The following SERINC2 variants were observed in gnomAD, a reference collection of about 807,000 sequenced individuals.
The protein encoded by SERINC2 is serine incorporator 2.
A neutral mutation model predicts 54.2 loss-of-function variants in SERINC2; 56 were observed. The ratio of observed to expected loss-of-function variants is 1.03; its 90% CI spans 0.83 to 1.29. The LOEUF (loss-of-function observed/expected upper bound fraction) is 1.29, where lower values mean the gene tolerates loss of function less well. SERINC2 is among the 50% of genes most tolerant of loss of function. The probability of loss-of-function intolerance (pLI) is 0.00; values close to 1 mark genes in which losing one functional copy is unlikely to be tolerated. For missense variants in SERINC2, 614 were observed against 607.4 expected (o/e 1.01, Z -0.12); for synonymous variants, 272 against 253.1 (o/e 1.07, Z -0.71).
At chr1:31,424,618 A>G in intron 2 of SERINC2, 65 bp from the exon 3 acceptor site, 5 of 1,375,654 alleles carry the variant, frequency 3.6e-6, no homozygotes, top group Non-Finnish European at 4.9e-6. Context: ...GCTCTGGTTT[A>G]TAAAGGGAGC....
At chr1:31,428,621 A>G (rs1428366084) in intron 6 of SERINC2, among the ~76,000 whole-genome samples, 1 of 152,146 alleles carries the variant, frequency 6.6e-6, no homozygotes, top group Non-Finnish European at 1.5e-5. Context: ...GGGAGGGCAC[A>G]GCGACGGCAA....
chr1:31,417,949 C>T (rs180860944), intron 1 of SERINC2, among the ~76,000 whole-genome samples: 70 of 150,658 alleles, frequency 4.6e-4, no homozygotes, highest in Admixed American at 1.0e-3. Context: ...TTCCACCTCC[C>T]GGGTTCAAGC....
chr1:31,413,223 C>A lies in SERINC2; in HGVS notation c.-43C>A. 9.0e-7 allele frequency: 1 copy of A among 1,112,908 alleles called. No homozygotes were observed. The highest frequency in any genetic ancestry group is 1.1e-6 in the Non-Finnish European group (1 of 915,340). 68.9% of individuals were successfully genotyped at this position (1,112,908 alleles called of 1,614,324 possible). ...CGGCACCCGGATCCCGAGGTCCGCG[C>A]CCCGCGCCCGGCGCCGGGCGCCCGA... is the stretch of plus-strand genomic sequence containing the variant. On this transcript the variant is annotated 5_prime_UTR_variant, in exon 1 of 10. Transcript: ENST00000373709. The surrounding 1 kb of genome is among the most constrained non-coding windows in gnomAD (Gnocchi z 5.0).
At chr1:31,424,129 A>C (rs544227838) in intron 2 of SERINC2, among the ~76,000 whole-genome samples, 1 of 152,202 alleles carries the variant, frequency 6.6e-6, no homozygotes, top group Admixed American at 6.5e-5. Flanking sequence ...CTTAGTGCTT[A>C]AGCCCAGGTT....
At chr1:31,430,359 TAACAA>T (rs1286820654) in intron 8 of SERINC2, among the ~76,000 whole-genome samples, 1 of 150,590 alleles carries the variant, frequency 6.6e-6, no homozygotes, top group African/African-American at 2.5e-5. Flanking sequence ...TTTTAAAAAT[TAACAA>T]AACAAAACAA....
In SERINC2 at chr1:31,434,570, C is replaced by T; in HGVS notation, c.*371C>T. On this transcript the variant is annotated 3_prime_UTR_variant, in exon 10 of 10. Transcript: ENST00000373709. ...CACAGTGGGGCATCCGGCACTGAAG[C>T]CCTGGTGTTCCTGGTCACGTCCCCC... 1 of 249,370 alleles carries T rather than the reference C, an allele frequency of 4.0e-6. No homozygotes were observed. Among genetic ancestry groups the T allele is most frequent in the Non-Finnish European group, 7.8e-6 (1 of 128,242 alleles). The allele number at this position is 249,370 out of a possible 1,614,324, so 15.4% of individuals were successfully genotyped here. A position where few individuals can be genotyped will look rare whatever the true frequency, so the allele number is the denominator to read the frequency against.
At chr1:31,432,173 ATAGGGTGGATAGGGTGGT>A (rs1641306851) in intron 8 of SERINC2, among the ~76,000 whole-genome samples, 3 of 121,958 alleles carry the variant, frequency 2.5e-5, no homozygotes, top group Non-Finnish European at 1.8e-5. Flanking sequence ...GATAGGGTGG[ATAGGGTGGATAGGGTGGT>A]TAGAGTGGAG....
intron 1 of SERINC2, among the ~76,000 whole-genome samples, chr1:31,422,302 A>AAAC (rs1553132834): frequency 6.6e-6 from 1 of 151,132 alleles, no homozygotes; most frequent in East Asian, 1.9e-4. Flanking sequence ...CTGTCTCAAA[A>AAAC]AAAAAAAAAC....
At chr1:31,429,204 G>A (rs1340566970) in intron 7 of SERINC2, 136 bp downstream of exon 7, 3 of 996,190 alleles carry the variant, frequency 3.0e-6, no homozygotes, top group Non-Finnish European at 4.6e-6. Context: ...CCTCCCATGA[G>A]ATGGGAGGGC....
upstream of SERINC2, among the ~76,000 whole-genome samples, chr1:31,410,900 C>T (rs149286092): frequency 2.3e-4 from 35 of 152,164 alleles, no homozygotes; most frequent in East Asian, 3.5e-3. Flanking sequence ...GACCCTGGGA[C>T]GGGAGCATGT....
rs1553131688 is a variant in SERINC2, at chr1:31,413,234, G to A, written c.-32G>A. 1 of 1,141,594 alleles carries A rather than the reference G, an allele frequency of 8.8e-7. No homozygotes were observed. Among genetic ancestry groups the A allele is most frequent in the South Asian group, 3.9e-5 (1 of 25,926 alleles). The allele number at this position is 1,141,594 out of a possible 1,614,324, so 70.7% of individuals were successfully genotyped here. On this transcript the variant is annotated 5_prime_UTR_variant, in exon 1 of 10. Transcript: ENST00000373709. The surrounding 1 kb of genome is among the most constrained non-coding windows in gnomAD (Gnocchi z 5.0). ...TCCCGAGGTCCGCGCCCCGCGCCCGGCGCCGGGCGCCCGAAGCCGGGAGCC... is the reference window on the plus strand; with the variant it reads ...TCCCGAGGTCCGCGCCCCGCGCCCGACGCCGGGCGCCCGAAGCCGGGAGCC...
At position 31,413,673 on chromosome 1, in the gene SERINC2, G is replaced by A. The variant is rs1212731101; in HGVS notation, c.39+369G>A. 1.9e-4 allele frequency: 168 copies of A among 889,890 alleles called. No individual in the cohort carries two copies. The highest frequency in any genetic ancestry group is 2.4e-4 in the Non-Finnish European group (164 of 676,942). The allele number at this position is 889,890 out of a possible 1,614,324, so 55.1% of individuals were successfully genotyped here. On this transcript the variant is annotated intron_variant, in intron 1 of 9. Coordinates refer to ENST00000373709, the MANE Select transcript of SERINC2 (RefSeq NM_178865.5). The surrounding 1 kb of genome is among the most constrained non-coding windows in gnomAD (Gnocchi z 5.0). The stretch of plus-strand genomic sequence containing the variant: ...CCCACTTGGGGCGGTCCTCGGGGTG[G>A]CCTCTGTCCCCGTCCCGGACGCCCT...
In SERINC2 at chr1:31,429,551, C is replaced by A; in HGVS notation, c.1013+13C>A. 6.3e-7 allele frequency: 1 copy of A among 1,585,840 alleles called. No individual in the cohort carries two copies. Among genetic ancestry groups the A allele is most frequent in the Non-Finnish European group, 8.6e-7 (1 of 1,163,448 alleles). ...CCCTCTTCATCAGGTATGGCCAGGT[C>A]TGGATTCTGGGGAAGGATCATGATT... is the stretch of plus-strand genomic sequence containing the variant. On this transcript the variant is annotated intron_variant, in intron 8 of 9. Transcript: ENST00000373709.
intron 5 of SERINC2, 38 bp from the exon 6 acceptor site, chr1:31,426,616 C>G: frequency 1.9e-6 from 3 of 1,554,374 alleles, no homozygotes; most frequent in Non-Finnish European, 2.6e-6. Context: ...CCTCCTGCCC[C>G]ACCCACTGCC....
At chr1:31,410,421 G>T, upstream of SERINC2, 2 of 1,549,916 alleles carry the variant, frequency 1.3e-6, no homozygotes, top group South Asian at 2.4e-5. Context: ...GGAGTCACCC[G>T]GACCCAGCCA....
upstream of SERINC2, chr1:31,410,225 G>C: frequency 6.9e-7 from 1 of 1,456,570 alleles, no homozygotes; most frequent in East Asian, 2.5e-5. Flanking sequence ...GCAAGAGACA[G>C]AGCTACTCTG....
At chr1:31,430,944 T>C (rs1641178875) in intron 8 of SERINC2, among the ~76,000 whole-genome samples, 1 of 152,320 alleles carries the variant, frequency 6.6e-6, no homozygotes, top group South Asian at 2.1e-4. Context: ...CTAGAACATT[T>C]TAAAGCTCTT....
At chr1:31,423,944 C>A (rs1352979425) in intron 2 of SERINC2, 90 bp downstream of exon 2, 2 of 1,268,170 alleles carry the variant, frequency 1.6e-6, no homozygotes, top group South Asian at 1.3e-5. Context: ...CACAGCTTAT[C>A]CAGAAGAGGA....
At chr1:31,432,907 T>C (rs1476714293) in intron 8 of SERINC2, 60 bp from the exon 9 acceptor site, 32 of 1,359,514 alleles carry the variant, frequency 2.4e-5, no homozygotes, top group Non-Finnish European at 2.9e-5. Flanking sequence ...ACCATTTGTG[T>C]CCAGTGTTAT....
Sources: gnomAD v4.1 joint callset for allele counts (sites outside exome capture counted in the v4.1 genomes callset) on GRCh38, gnomAD v4.1.1 for gene constraint, Gnocchi (gnomAD v3.1) non-coding constraint, MANE v1.5 for transcripts, NCBI Gene and HGNC (gene_info 2026-07-23, HGNC 2026-07-21) for gene names.